Variants in MATN2 observed in about 807,000 individuals in gnomAD.
MATN2 encodes matrilin 2, also known as matrilin-2.
In MATN2, 69 loss-of-function variants were observed where a neutral mutation model predicts 103.2. The observed-to-expected ratio is 0.67, with a 90% CI of 0.55 to 0.82. The LOEUF (loss-of-function observed/expected upper bound fraction) is 0.82. Among genes scored for constraint, MATN2 ranks in the 40% least tolerant of loss-of-function variants. The pLI is 0.00. For missense variants in MATN2, 1,023 were observed against 1,211.5 expected, an observed-to-expected ratio of 0.84 and a Z score of 2.31; for synonymous variants, 429 against 450.2, an observed-to-expected ratio of 0.95 and a Z score of 0.60.
At chr8:97,971,644 T>G (rs1811657896) in intron 5 of MATN2, among the ~76,000 whole-genome samples, 1 of 152,216 alleles carries the variant, frequency 6.6e-6, no homozygotes, top group South Asian at 2.1e-4. Context: ...TCTGCTGTAC[T>G]TACTCACCTG....
At chr8:97,989,362 G>A (rs1201643349) in intron 6 of MATN2, among the ~76,000 whole-genome samples, 1 of 152,068 alleles carries the variant, frequency 6.6e-6, no homozygotes, top group East Asian at 1.9e-4. Context: ...CCAGCTACTC[G>A]GGAGGCTGAG....
rs555786696 is a variant in MATN2, at chr8:97,920,916, G to A, written c.143-10037G>A. Among the ~76,000 whole-genome samples, 15 of 152,296 alleles carry A rather than the reference G, an allele frequency of 9.8e-5. No individual in the cohort carries two copies. In the East Asian group the frequency reaches 2.3e-3, roughly 23 times the overall value. ...GAGACCAGGACTGATTAGGGGTGTC[G>A]GTCACAGATGCCAGGGCTGGGGACA... is the stretch of plus-strand genomic sequence containing the variant. On this transcript the variant is annotated intron_variant, in intron 2 of 18. Coordinates refer to ENST00000254898, the MANE Select transcript of MATN2 (RefSeq NM_002380.5).
Position 98,030,539 on chromosome 8 carries a change from A to G in MATN2, c.2434A>G (p.Lys812Glu), listed in dbSNP as rs1813976126. The G allele has an allele frequency of 6.2e-7, 1 of 1,613,926 alleles. No homozygotes were observed. Among genetic ancestry groups the G allele is most frequent in the African/African-American group, 1.3e-5 (1 of 75,042 alleles). Residue 812 changes from lysine to glutamate, a missense_variant, in exon 15 of 19, where the codon AAG (lysine) becomes GAG (glutamate). Coordinates refer to ENST00000254898, the MANE Select transcript of MATN2 (RefSeq NM_002380.5). ...AGAGATTGCCTCTGAGCCCACAAAC[A>G]AGCATCTCTTCTATGCCGAAGACTT... ...LQEIASEPTN[K>E]HLFYAEDFST...
chr8:98,032,129 T>TA (rs1323522897), intron 15 of MATN2, 117 bp from the exon 16 acceptor site: 1 of 760,552 alleles, frequency 1.3e-6, no homozygotes, highest in African/African-American at 1.8e-5. Context: ...CAAACAAAAC[T>TA]AAAAAACCTT....
chr8:98,032,171 G>T, intron 15 of MATN2, 75 bp from the exon 16 acceptor site: 1 of 1,222,696 alleles, frequency 8.2e-7, no homozygotes, highest in Non-Finnish European at 1.2e-6. Flanking sequence ...GAGGTGGTCT[G>T]GGACCAGCTT....
intron 14 of MATN2, among the ~76,000 whole-genome samples, chr8:98,028,743 C>G (rs1221723756): frequency 6.6e-6 from 1 of 152,112 alleles, no homozygotes; most frequent in Non-Finnish European, 1.5e-5. Flanking sequence ...CCCGCCACCA[C>G]GCCCAGCTAA....
intron 16 of MATN2, 59 bp from the exon 17 acceptor site, chr8:98,032,983 G>A: frequency 2.0e-5 from 31 of 1,529,260 alleles, no homozygotes; most frequent in Non-Finnish European, 2.7e-5. Flanking sequence ...TCTGCTGATG[G>A]CTGTTTTATA....
intron 4 of MATN2, among the ~76,000 whole-genome samples, chr8:97,955,525 T>G (rs1811117485): frequency 6.6e-6 from 1 of 152,224 alleles, no homozygotes; most frequent in Non-Finnish European, 1.5e-5. Flanking sequence ...AAAGAATACT[T>G]CAGAATCATC....
At chr8:98,016,438 G>C (rs570574924) in intron 10 of MATN2, 102 bp from the exon 11 acceptor site, 1 of 1,062,968 alleles carries the variant, frequency 9.4e-7, no homozygotes, top group South Asian at 1.5e-5. Flanking sequence ...ATAAGGCACT[G>C]TTTTAATTCA....
chr8:97,994,860 G>A (rs947413119), intron 7 of MATN2, among the ~76,000 whole-genome samples: 1 of 152,138 alleles, frequency 6.6e-6, no homozygotes, highest in Non-Finnish European at 1.5e-5. Flanking sequence ...TGAAATGCAG[G>A]TGCAGTCTCC....
rs1586177061 is a variant in MATN2 at position 98,032,027 on chromosome 8, G to A, written c.2510-219G>A. On this transcript the variant is annotated intron_variant, in intron 15 of 18. Coordinates refer to ENST00000254898, the MANE Select transcript of MATN2 (RefSeq NM_002380.5). ...TGGGAGCATTCTTAAGATGTACTTA[G>A]GGGGTCCAAGCTTCTCTTACGAGAG... 2.3e-5 allele frequency: 9 copies of A among 388,212 alleles called. No individual in the cohort carries two copies. In the East Asian group the frequency reaches 3.2e-4, roughly 14 times the overall value. 24.0% of individuals were successfully genotyped at this position (388,212 alleles called of 1,614,324 possible).
intron 2 of MATN2, among the ~76,000 whole-genome samples, chr8:97,903,010 T>C (rs1819041525): frequency 6.6e-6 from 1 of 152,062 alleles, no homozygotes; most frequent in Non-Finnish European, 1.5e-5. Flanking sequence ...ACTCCTGGGA[T>C]GTTATAGTCC....
At chr8:98,034,738 G>GCTTT (rs1814172391) in intron 18 of MATN2, among the ~76,000 whole-genome samples, 1 of 152,074 alleles carries the variant, frequency 6.6e-6, no homozygotes, top group African/African-American at 2.4e-5. Flanking sequence ...GCCTTATGTA[G>GCTTT]CATCATGGTG....
chr8:97,958,936 T>C (rs1811221742), intron 4 of MATN2, among the ~76,000 whole-genome samples: 1 of 152,202 alleles, frequency 6.6e-6, no homozygotes, highest in Admixed American at 6.5e-5. Flanking sequence ...AGAATTCAGC[T>C]GCCACGCCTC....
intron 2 of MATN2, among the ~76,000 whole-genome samples, chr8:97,892,891 C>T (rs1000322638): frequency 1.3e-5 from 2 of 152,072 alleles, no homozygotes; most frequent in African/African-American, 2.4e-5. Flanking sequence ...AAGGTCCTGC[C>T]CACGGAGAGC....
At chr8:97,941,432 TC>T (rs1810563310) in intron 3 of MATN2, among the ~76,000 whole-genome samples, 1 of 152,142 alleles carries the variant, frequency 6.6e-6, no homozygotes. Flanking sequence ...TAAGTCAAAG[TC>T]CCCTCTGATG....
chr8:97,933,880 T>C (rs1810286224), intron 3 of MATN2, among the ~76,000 whole-genome samples: 1 of 152,148 alleles, frequency 6.6e-6, no homozygotes, highest in Non-Finnish European at 1.5e-5. Context: ...TGGTAAAGAC[T>C]GTAGTAACTA....
At chr8:97,947,806 C>T (rs1260759780) in intron 4 of MATN2, among the ~76,000 whole-genome samples, 1 of 152,096 alleles carries the variant, frequency 6.6e-6, no homozygotes, top group African/African-American at 2.4e-5. Context: ...AATAGTCAAA[C>T]CCAGTCAGTT....
intron 6 of MATN2, among the ~76,000 whole-genome samples, chr8:97,980,957 C>G (rs1351349012): frequency 6.6e-6 from 1 of 152,078 alleles, no homozygotes; most frequent in African/African-American, 2.4e-5. Context: ...AGGAGGATTA[C>G]TTGAGCCCAG....
Sources: gnomAD v4.1 joint callset for allele counts (sites outside exome capture counted in the v4.1 genomes callset) on GRCh38, gnomAD v4.1.1 for gene constraint, MANE v1.5 for transcripts, NCBI Gene and HGNC (gene_info 2026-07-23, HGNC 2026-07-21) for gene names.